TET3: variants seen among roughly 807,000 people sequenced by gnomAD.
TET3 encodes tet methylcytosine dioxygenase 3.
TET3 carries 19 observed loss-of-function variants against 141.4 expected under a neutral mutation model. The observed-to-expected ratio is 0.13, with a 90% CI of 0.09 to 0.20. TET3 has a LOEUF of 0.20. Ranked by LOEUF, TET3 falls within the 10% of genes least tolerant of loss-of-function variation. The pLI is 1.00. For missense variants in TET3, 1,874 were observed against 2,356.9 expected (o/e 0.80, Z 4.24); for synonymous variants, 1,043 against 980.9 (o/e 1.06, Z -1.18).
intron 3 of TET3, among the ~76,000 whole-genome samples, chr2:74,019,734 T>C (rs1013249358): frequency 6.6e-6 from 1 of 152,226 alleles, no homozygotes; most frequent in Non-Finnish European, 1.5e-5. Context: ...CCCTGCAGGC[T>C]GTGATCTGGA....
chr2:73,996,194 A>G (rs1448274410), intron 2 of TET3, among the ~76,000 whole-genome samples: 1 of 152,200 alleles, frequency 6.6e-6, no homozygotes, highest in Non-Finnish European at 1.5e-5. Context: ...GACCAGGTCC[A>G]GGGTCTCAGG....
intron 6 of TET3, 107 bp downstream of exon 6, chr2:74,080,698 G>A (rs1354136105): frequency 5.0e-6 from 2 of 399,926 alleles, no homozygotes; most frequent in Non-Finnish European, 8.8e-6. Context: ...GCAGGCGAGG[G>A]CGGGGGGTGG....
intron 3 of TET3, among the ~76,000 whole-genome samples, chr2:74,030,681 G>C (rs998292567): frequency 5.3e-5 from 8 of 152,300 alleles, no homozygotes; most frequent in African/African-American, 1.7e-4. Context: ...CCTGGCCTGG[G>C]AGCTGGGTGA....
the TET3 span, among the ~76,000 whole-genome samples, chr2:74,127,635 G>A: frequency 6.6e-6 from 1 of 151,920 alleles, no homozygotes; most frequent in East Asian, 1.9e-4. Flanking sequence ...AGCCTAAAAC[G>A]GGGCAAGTTG....
At chr2:73,985,494 G>A (rs940138094) in intron 1 of TET3, among the ~76,000 whole-genome samples, 58 of 145,626 alleles carry the variant, frequency 4.0e-4, no homozygotes, top group Middle Eastern at 3.6e-3. Context: ...TCCCCAGTCG[G>A]GCTGGCGGGC....
At chr2:74,002,765 G>T in intron 2 of TET3, 1 of 538,736 alleles carries the variant, frequency 1.9e-6, no homozygotes, top group Non-Finnish European at 3.3e-6. Context: ...GATAATGGGA[G>T]GCCCGCCGGC....
intron 4 of TET3, among the ~76,000 whole-genome samples, chr2:74,065,555 GT>G (rs67114907): frequency 0.14 from 18,100 of 125,492 alleles, 2,690 homozygotes; most frequent in African/African-American, 0.42. Flanking sequence ...TCTTTTTTTT[GT>G]TTTTTTTTTT....
Position 73,986,131 on chromosome 2 carries a change from C to T in TET3, c.-273C>T. ...GAAGAACCCACCGGGCCAAGATGAT[C>T]CCTTTTCTGAGGGCTGCTGCTGGTG... On this transcript the variant is annotated 5_prime_UTR_variant, in exon 2 of 12. Coordinates refer to ENST00000409262, the MANE Select transcript of TET3 (RefSeq NM_001287491.2). 6.3e-6 allele frequency: 2 copies of T among 315,588 alleles called. No individual in the cohort carries two copies. The highest frequency in any genetic ancestry group is 1.2e-5 in the Non-Finnish European group (2 of 173,544). The allele number at this position is 315,588 out of a possible 1,614,324, so 19.5% of individuals were successfully genotyped here.
At position 74,046,456 on chromosome 2, in the gene TET3, C is replaced by T. The variant is rs1687624622; in HGVS notation, c.539C>T (p.Pro180Leu). Residue 180 changes from proline to leucine, a missense_variant, in exon 4 of 12, where the codon CCC becomes CTC. By Grantham distance (98) the Pro-to-Leu change is moderately conservative. Transcript: ENST00000409262. This position sits in a 1 kb window ranked among gnomAD's most constrained non-coding sequence, Gnocchi z 4.3. The part of the protein sequence containing the change: ...TGGPWRVDQK[P>L]DWEAAPGPAH... ...GGTCCTTGGCGGGTAGACCAAAAGCCCGACTGGGAGGCTGCCCCAGGCCCA... is the reference window on the plus strand; with the variant it reads ...GGTCCTTGGCGGGTAGACCAAAAGCTCGACTGGGAGGCTGCCCCAGGCCCA... 2 of 1,608,956 alleles carry T rather than the reference C, an allele frequency of 1.2e-6. No homozygotes were observed. Among genetic ancestry groups the T allele is most frequent in the Non-Finnish European group, 1.7e-6 (2 of 1,177,208 alleles).
Position 73,986,623 on chromosome 2 carries a change from A to G in TET3, c.220A>G (p.Ser74Gly). 8.1e-7 allele frequency: 1 copy of G among 1,232,140 alleles called. No individual in the cohort carries two copies. The highest frequency in any genetic ancestry group is 1.0e-6 in the Non-Finnish European group (1 of 987,976). The allele number at this position is 1,232,140 out of a possible 1,614,324, so 76.3% of individuals were successfully genotyped here. ...RRLENCGACT[S>G]CTNRRTHQIC... ...GCTGGAAAACTGTGGCGCTTGCACT[A>G]GCTGTACCAACCGCCGCACGCACCA... Residue 74 changes from serine (S) to glycine (G), a missense_variant, in exon 2 of 12, where the codon AGC (serine) becomes GGC (glycine). Transcript: ENST00000409262.
At chr2:74,086,073 A>T (rs936035732) in intron 6 of TET3, among the ~76,000 whole-genome samples, 1 of 152,148 alleles carries the variant, frequency 6.6e-6, no homozygotes, top group African/African-American at 2.4e-5. Context: ...GAAACTCTTT[A>T]TGTAAGCCCC....
the TET3 span, chr2:74,130,461 A>G: frequency 2.6e-5 from 4 of 152,250 alleles, no homozygotes; most frequent in Non-Finnish European, 4.4e-5. Context: ...TGAGCGTGCA[A>G]GAGTGCGCGC....
At chr2:74,092,791 A>G (rs751606739) in intron 8 of TET3, 111 bp from the exon 9 acceptor site, 241 of 906,062 alleles carry the variant, frequency 2.7e-4, no homozygotes, top group Non-Finnish European at 4.1e-4. Context: ...ACCTGATAAC[A>G]CCTCCCTCCC....
chr2:74,129,371 G>T, the TET3 span, among the ~76,000 whole-genome samples: 1 of 138,624 alleles, frequency 7.2e-6, no homozygotes. Context: ...AGTGGCTCAT[G>T]CCTGTAATCC....
chr2:74,130,600 G>A, the TET3 span: 1 of 152,210 alleles, frequency 6.6e-6, no homozygotes, highest in Non-Finnish European at 1.5e-5. Context: ...GCGAGGAAGC[G>A]CGGACTAGGG....
intron 4 of TET3, among the ~76,000 whole-genome samples, chr2:74,060,472 TA>T (rs1294690445): frequency 3.3e-5 from 5 of 152,236 alleles, no homozygotes; most frequent in Admixed American, 6.5e-5. Flanking sequence ...AAGTTCGACT[TA>T]CTTAAGTCAC....
At chr2:74,084,890 G>A (rs888439453) in intron 6 of TET3, among the ~76,000 whole-genome samples, 4 of 151,860 alleles carry the variant, frequency 2.6e-5, no homozygotes, top group East Asian at 3.9e-4. Flanking sequence ...AGCTGAGATC[G>A]TGCCACTGCA....
chr2:74,053,621 C>T (rs550595161), intron 4 of TET3, among the ~76,000 whole-genome samples: 1 of 152,236 alleles, frequency 6.6e-6, no homozygotes, highest in African/African-American at 2.4e-5. Context: ...TTGTTCTTCC[C>T]TGAAGAAGCC....
At chr2:74,023,429 G>A (rs1282705594) in intron 3 of TET3, among the ~76,000 whole-genome samples, 1 of 152,072 alleles carries the variant, frequency 6.6e-6, no homozygotes, top group Non-Finnish European at 1.5e-5. Flanking sequence ...TTTTCGTAAT[G>A]ATGGGGTCTC....
Sources: gnomAD v4.1 joint callset for allele counts (sites outside exome capture counted in the v4.1 genomes callset) on GRCh38, gnomAD v4.1.1 for gene constraint, Gnocchi (gnomAD v3.1) non-coding constraint, MANE v1.5 for transcripts, NCBI Gene and HGNC (gene_info 2026-07-23, HGNC 2026-07-21) for gene names.